The following PITPNC1 variants were observed in gnomAD, a reference collection of about 807,000 sequenced individuals.
PITPNC1 encodes the protein phosphatidylinositol transfer protein cytoplasmic 1.
Under a neutral mutation model 44.7 loss-of-function variants are expected in PITPNC1, and 18 were observed. The observed-to-expected ratio is 0.40, with a 90% CI of 0.28 to 0.60. The LOEUF (loss-of-function observed/expected upper bound fraction) is 0.60, where lower values mean the gene tolerates loss of function less well. Ranked by LOEUF, PITPNC1 falls within the 20% of genes least tolerant of loss-of-function variation. The probability of loss-of-function intolerance (pLI) is 0.39; values close to 1 mark genes in which losing one functional copy is unlikely to be tolerated. For missense variants in PITPNC1, 290 were observed against 418.4 expected (o/e 0.69, Z 2.68); for synonymous variants, 141 against 149.6 (o/e 0.94, Z 0.42).
In PITPNC1 at chr17:67,622,066, G is replaced by A. The variant is rs368365295; in HGVS notation, c.367-10077G>A. Among the ~76,000 whole-genome samples the A allele has an allele frequency of 1.1e-4, 17 of 152,186 alleles. No individual in the cohort carries two copies. The South Asian group carries it at 3.1e-3, about 28-fold the overall frequency. On this transcript the variant is annotated intron_variant, in intron 5 of 8. Coordinates refer to ENST00000581322, the MANE Select transcript of PITPNC1 (RefSeq NM_012417.4). The stretch of plus-strand genomic sequence containing the variant: ...AGGCGGATCACGAGGTCAGGAGATC[G>A]AGACCACGGTGAAACCCCGTCTCTA...
chr17:67,566,996 G>C (rs1295541236), intron 4 of PITPNC1, among the ~76,000 whole-genome samples: 1 of 152,236 alleles, frequency 6.6e-6, no homozygotes, highest in Non-Finnish European at 1.5e-5. Flanking sequence ...GGGGATGTAT[G>C]AGGGTTAATG....
At chr17:67,567,201 A>G (rs1357058497) in intron 4 of PITPNC1, among the ~76,000 whole-genome samples, 1 of 152,150 alleles carries the variant, frequency 6.6e-6, no homozygotes, top group African/African-American at 2.4e-5. Flanking sequence ...AAATACCTGG[A>G]CAGGCCAGGC....
intron 6 of PITPNC1, among the ~76,000 whole-genome samples, chr17:67,654,234 G>A (rs541285869): frequency 1.2e-4 from 18 of 152,220 alleles, no homozygotes; most frequent in African/African-American, 4.3e-4. Flanking sequence ...CCCTTCTCTC[G>A]CAATTCCTCC....
intron 2 of PITPNC1, among the ~76,000 whole-genome samples, chr17:67,544,185 A>C (rs889734572): frequency 6.6e-6 from 1 of 152,174 alleles, no homozygotes; most frequent in African/African-American, 2.4e-5. Context: ...CAGTTAACCA[A>C]GTAAGTAGTA....
intron 8 of PITPNC1, among the ~76,000 whole-genome samples, chr17:67,679,079 T>G (rs1332403907): frequency 1.3e-5 from 2 of 152,214 alleles, no homozygotes; most frequent in African/African-American, 4.8e-5. Context: ...ATGGTTCTGT[T>G]GCTGGCTAAA....
At position 67,685,833 on chromosome 17, in the gene PITPNC1, T is replaced by C. The variant is rs112916954; in HGVS notation, c.683-6739T>C. Among the ~76,000 whole-genome samples the C allele has an allele frequency of 4.5e-4, 69 of 152,154 alleles. 1 individual carries two copies. Among genetic ancestry groups the C allele is most frequent in the African/African-American group, 1.5e-3 (63 of 41,514 alleles). ...CCTTATTTAAGTTTTTTTTGTTTGG[T>C]TGGTTGGTTTTTTTTGAGACAGGGT... On this transcript the variant is annotated intron_variant, in intron 8 of 8. Transcript: ENST00000581322.
At chr17:67,594,525 G>A (rs759862520) in intron 5 of PITPNC1, among the ~76,000 whole-genome samples, 5 of 152,142 alleles carry the variant, frequency 3.3e-5, no homozygotes, top group Non-Finnish European at 5.9e-5. Flanking sequence ...AGAAAGGAGT[G>A]GTTACTGGTG....
At chr17:67,675,568 T>G (rs1471159642) in intron 8 of PITPNC1, 26 bp downstream of exon 8, 1 of 1,497,506 alleles carries the variant, frequency 6.7e-7, no homozygotes, top group Non-Finnish European at 9.3e-7. Flanking sequence ...CAAAATAACT[T>G]GTAGAACAAC....
intron 1 of PITPNC1, among the ~76,000 whole-genome samples, chr17:67,491,987 T>C (rs1260315034): frequency 1.3e-5 from 2 of 150,850 alleles, no homozygotes; most frequent in East Asian, 3.9e-4. Flanking sequence ...TCACGAGCGG[T>C]CTTCCTTTTT....
At position 67,508,869 on chromosome 17, in the gene PITPNC1, T is replaced by C. The variant is rs1463445281; in HGVS notation, c.49-23933T>C. On this transcript the variant is annotated intron_variant, in intron 1 of 8. Transcript: ENST00000581322. This position sits in a 1 kb window ranked among gnomAD's most constrained non-coding sequence, Gnocchi z 4.2. Reference sequence around the variant, plus strand: ...TGCACAACATTGTGGTTGTACTTAATGCACCAAACTGAATACTTAAAAATG... The same window carrying C: ...TGCACAACATTGTGGTTGTACTTAACGCACCAAACTGAATACTTAAAAATG... Among the ~76,000 whole-genome samples the C allele has an allele frequency of 1.3e-5, 2 of 152,208 alleles. No individual in the cohort carries two copies. The highest frequency in any genetic ancestry group is 2.9e-5 in the Non-Finnish European group (2 of 68,042).
intron 1 of PITPNC1, among the ~76,000 whole-genome samples, chr17:67,389,659 G>GTTT (rs1050802440): frequency 6.6e-6 from 1 of 151,424 alleles, no homozygotes; most frequent in African/African-American, 2.5e-5. Flanking sequence ...CAGTAAAGCT[G>GTTT]TTTTTTGTTT....
At chr17:67,641,642 C>T (rs1275537376) in intron 6 of PITPNC1, among the ~76,000 whole-genome samples, 2 of 151,812 alleles carry the variant, frequency 1.3e-5, no homozygotes, top group Non-Finnish European at 2.9e-5. Flanking sequence ...ATAAAAAATA[C>T]AAAAATTAGC....
At chr17:67,402,273 A>G (rs2038326783) in intron 1 of PITPNC1, among the ~76,000 whole-genome samples, 1 of 152,154 alleles carries the variant, frequency 6.6e-6, no homozygotes, top group Non-Finnish European at 1.5e-5. Context: ...TTTTCCAACC[A>G]TTTAAAAATG....
intron 1 of PITPNC1, among the ~76,000 whole-genome samples, chr17:67,487,646 A>G (rs917555560): frequency 6.6e-6 from 1 of 151,962 alleles, no homozygotes; most frequent in African/African-American, 2.4e-5. Flanking sequence ...TAATTTGTAA[A>G]CTCTAAGAAA....
chr17:67,596,376 GA>G lies in PITPNC1; in HGVS notation c.366+18127del, dbSNP rs1035663273. On this transcript the variant is annotated intron_variant, in intron 5 of 8. Transcript: ENST00000581322. ...GGGCTTTTGGTAACAGTTTAAGATA[GA>G]AAAAAAAGTATTGCTTTAAAAAAAA... Among the ~76,000 whole-genome samples the G allele has an allele frequency of 3.3e-5, 5 of 151,650 alleles. No homozygotes were observed. In the East Asian group the frequency reaches 7.7e-4, roughly 23 times the overall value.
At chr17:67,460,260 G>A (rs2143970398) in intron 1 of PITPNC1, among the ~76,000 whole-genome samples, 1 of 152,228 alleles carries the variant, frequency 6.6e-6, no homozygotes, top group Non-Finnish European at 1.5e-5. Flanking sequence ...GCAGTTTAAG[G>A]CATCAGGGTG....
intron 4 of PITPNC1, among the ~76,000 whole-genome samples, chr17:67,576,379 C>T (rs9905261): frequency 0.074 from 11,205 of 152,102 alleles, 1,375 homozygotes; most frequent in African/African-American, 0.25. Context: ...ACCTCCTTCA[C>T]GGGATTGTTG....
At chr17:67,394,273 C>T (rs1040656931) in intron 1 of PITPNC1, among the ~76,000 whole-genome samples, 1 of 152,158 alleles carries the variant, frequency 6.6e-6, no homozygotes, top group African/African-American at 2.4e-5. Flanking sequence ...AAGTGATCCT[C>T]CCGCCTTAAC....
rs554705991 is a variant in PITPNC1, at chr17:67,587,836, T to A, written c.366+9579T>A. On this transcript the variant is annotated intron_variant, in intron 5 of 8. Coordinates refer to ENST00000581322, the MANE Select transcript of PITPNC1 (RefSeq NM_012417.4). ...CGGGTAAATTGCATAAACATCTCAA[T>A]GTCTTGACTGGGCTCAACTTGCATG... Among the ~76,000 whole-genome samples the A allele has an allele frequency of 4.6e-5, 7 of 152,328 alleles. No individual in the cohort carries two copies. In the South Asian group the frequency reaches 1.5e-3, roughly 32 times the overall value.
Sources: gnomAD v4.1 joint callset for allele counts (sites outside exome capture counted in the v4.1 genomes callset) on GRCh38, gnomAD v4.1.1 for gene constraint, Gnocchi (gnomAD v3.1) non-coding constraint, MANE v1.5 for transcripts, NCBI Gene and HGNC (gene_info 2026-07-23, HGNC 2026-07-21) for gene names.